Variants in CHN1 observed in about 807,000 individuals in gnomAD.
CHN1 encodes the protein N-chimaerin.
CHN1 carries 37 observed loss-of-function variants against 59.5 expected under a neutral mutation model. That is an observed-to-expected ratio of 0.62 (90% CI 0.48 to 0.82). The LOEUF (loss-of-function observed/expected upper bound fraction) is 0.82. Ranked by LOEUF, CHN1 falls within the 40% of genes least tolerant of loss-of-function variation. The probability of loss-of-function intolerance (pLI) is 0.00; values close to 1 mark genes in which losing one functional copy is unlikely to be tolerated. For synonymous variants in CHN1, 206 were observed against 200.4 expected (o/e 1.03, Z -0.24); for missense variants, 469 against 571.0 (o/e 0.82, Z 1.82).
At chr2:174,981,920 A>AT (rs1375419428) in intron 1 of CHN1, among the ~76,000 whole-genome samples, 1 of 152,098 alleles carries the variant, frequency 6.6e-6, no homozygotes, top group East Asian at 1.9e-4. Context: ...AACATTAGGT[A>AT]TATCTCCTAA....
At chr2:174,920,284 AG>A (rs1688978811) in intron 3 of CHN1, among the ~76,000 whole-genome samples, 1 of 152,204 alleles carries the variant, frequency 6.6e-6, no homozygotes, top group Non-Finnish European at 1.5e-5. Context: ...TAATGCTGCA[AG>A]GAACATGGGA....
intron 6 of CHN1, among the ~76,000 whole-genome samples, chr2:174,876,773 A>G (rs1384669822): frequency 2.0e-5 from 3 of 152,200 alleles, no homozygotes; most frequent in Non-Finnish European, 4.4e-5. Context: ...TGGCTGCTAT[A>G]TAATAACATT....
intron 8 of CHN1, among the ~76,000 whole-genome samples, chr2:174,816,717 T>C (rs1440473597): frequency 6.6e-6 from 1 of 152,136 alleles, no homozygotes; most frequent in African/African-American, 2.4e-5. Flanking sequence ...AGTTGATGTA[T>C]ATGTTTTGTC....
intron 5 of CHN1, among the ~76,000 whole-genome samples, chr2:174,879,599 A>G (rs1393032108): frequency 6.6e-6 from 1 of 152,240 alleles, no homozygotes; most frequent in Non-Finnish European, 1.5e-5. Flanking sequence ...AGTTAAATAT[A>G]AAAGTTTTTC....
chr2:174,847,574 G>A, intron 6 of CHN1: 2 of 1,278,760 alleles, frequency 1.6e-6, no homozygotes, highest in South Asian at 1.5e-5. Context: ...TCTAGCAACA[G>A]ACACCCTATG....
intron 1 of CHN1, among the ~76,000 whole-genome samples, chr2:174,981,944 T>C (rs1159828254): frequency 1.3e-5 from 2 of 152,138 alleles, no homozygotes; most frequent in African/African-American, 2.4e-5. Flanking sequence ...TATCCCTCCC[T>C]GCTCCCCCCA....
intron 11 of CHN1, among the ~76,000 whole-genome samples, chr2:174,804,687 T>C (rs573650983): frequency 6.6e-6 from 1 of 152,346 alleles, no homozygotes; most frequent in African/African-American, 2.4e-5. Context: ...AGAAGAATCA[T>C]GAATGATCCA....
At chr2:174,901,186 C>A (rs547602695) in intron 5 of CHN1, among the ~76,000 whole-genome samples, 3 of 152,162 alleles carry the variant, frequency 2.0e-5, no homozygotes, top group Non-Finnish European at 2.9e-5. Context: ...GAGCAAAATT[C>A]TTAACCGGGC....
intron 1 of CHN1, among the ~76,000 whole-genome samples, chr2:174,959,139 A>G (rs960079147): frequency 1.3e-5 from 2 of 152,302 alleles, no homozygotes; most frequent in African/African-American, 4.8e-5. Context: ...TTTCCTAGCA[A>G]TCTATTTTTT....
At chr2:175,004,730 G>T (rs1317784830) in intron 1 of CHN1, among the ~76,000 whole-genome samples, 164 bp downstream of exon 1, 16 of 151,504 alleles carry the variant, frequency 1.1e-4, no homozygotes, top group Admixed American at 7.9e-4. Context: ...GGAGAGGCGC[G>T]AGGGAGCAAG....
In CHN1 at chr2:174,856,093, G is replaced by C. The variant is rs1455945; in HGVS notation, c.550-9136C>G. Among the ~76,000 whole-genome samples the C allele has an allele frequency of 1.2e-4, 19 of 152,108 alleles. No individual in the cohort carries two copies. The South Asian group carries it at 1.9e-3, about 15-fold the overall frequency. ...TTTGAATTTGAATACTGCTGTATTT[G>C]AATCTGGTGACTACCAGATTCAACA... On this transcript the variant is annotated intron_variant, in intron 6 of 12. Coordinates refer to ENST00000409900, the MANE Select transcript of CHN1 (RefSeq NM_001822.7).
At chr2:174,956,807 T>C (rs1558997365) in intron 1 of CHN1, among the ~76,000 whole-genome samples, 1 of 151,150 alleles carries the variant, frequency 6.6e-6, no homozygotes. Context: ...ACAGATTACA[T>C]GAATAAATGA....
chr2:174,981,177 T>A (rs1040362530), intron 1 of CHN1, among the ~76,000 whole-genome samples: 1 of 152,300 alleles, frequency 6.6e-6, no homozygotes, highest in African/African-American at 2.4e-5. Flanking sequence ...GATAAACGAA[T>A]CCTAAAAATT....
intron 5 of CHN1, among the ~76,000 whole-genome samples, chr2:174,906,664 G>GAA (rs3841915): frequency 6.6e-6 from 1 of 151,600 alleles, no homozygotes; most frequent in Admixed American, 6.6e-5. Flanking sequence ...AACAGAGTAA[G>GAA]AAAAAAAAGA....
rs1432840843 is a variant in CHN1, at chr2:174,872,939, TA to T, written c.549+4900del. Among the ~76,000 whole-genome samples, 5 of 152,076 alleles carry T rather than the reference TA, an allele frequency of 3.3e-5. No individual in the cohort carries two copies. In the East Asian group the frequency reaches 7.7e-4, roughly 23 times the overall value. ...CTGTTCACCAGAGTAATGGTATCCA[TA>T]ATCCCCATTTTAGAGACTGGGGCAA... On this transcript the variant is annotated intron_variant, in intron 6 of 12. Transcript: ENST00000409900.
chr2:174,882,918 G>T (rs561032699), intron 5 of CHN1, among the ~76,000 whole-genome samples: 1 of 152,174 alleles, frequency 6.6e-6, no homozygotes, highest in Non-Finnish European at 1.5e-5. Flanking sequence ...AGAGAGCATA[G>T]TTATATACAA....
chr2:174,933,325 C>CA (rs1411552347), intron 3 of CHN1, among the ~76,000 whole-genome samples: 2 of 151,896 alleles, frequency 1.3e-5, no homozygotes, highest in African/African-American at 2.4e-5. Flanking sequence ...GGGGGCACCC[C>CA]AAAATCAAGA....
intron 1 of CHN1, among the ~76,000 whole-genome samples, chr2:174,988,537 T>C (rs1037704617): frequency 2.6e-5 from 4 of 152,168 alleles, no homozygotes; most frequent in Non-Finnish European, 5.9e-5. Flanking sequence ...TTCTTAGTGC[T>C]TTATTAGTGA....
chr2:174,889,284 A>G (rs969778106), intron 5 of CHN1, among the ~76,000 whole-genome samples: 1 of 152,156 alleles, frequency 6.6e-6, no homozygotes, highest in African/African-American at 2.4e-5. Flanking sequence ...TTTTTTTTCA[A>G]ACACACTCAG....
Sources: allele counts gnomAD v4.1 joint callset (sites outside exome capture counted in the v4.1 genomes callset), GRCh38; gene constraint gnomAD v4.1.1; transcripts MANE v1.5; gene names NCBI Gene and HGNC (gene_info 2026-07-23, HGNC 2026-07-21).